The following GRM4 variants were observed in gnomAD, a reference collection of about 807,000 sequenced individuals.
GRM4 encodes the protein glutamate metabotropic receptor 4.
GRM4 carries 28 observed loss-of-function variants against 81.7 expected under a neutral mutation model. The observed-to-expected ratio is 0.34, with a 90% CI of 0.25 to 0.47. The LOEUF (loss-of-function observed/expected upper bound fraction) is 0.47, where lower values mean the gene tolerates loss of function less well. Among genes scored for constraint, GRM4 ranks in the 20% least tolerant of loss-of-function variants. The probability of loss-of-function intolerance (pLI) is 1.00; values close to 1 mark genes in which losing one functional copy is unlikely to be tolerated. For synonymous variants in GRM4, 488 were observed against 528.8 expected, an observed-to-expected ratio of 0.92 and a Z score of 1.06; for missense variants, 948 against 1,290.0, an observed-to-expected ratio of 0.73 and a Z score of 4.06.
At chr6:34,099,413 G>A (rs568160507) in intron 2 of GRM4, among the ~76,000 whole-genome samples, 1 of 152,298 alleles carries the variant, frequency 6.6e-6, no homozygotes, top group African/African-American at 2.4e-5. Flanking sequence ...AACCAAGACA[G>A]GGGCTTCGGG....
chr6:34,027,506 G>C lies in GRM4; in HGVS notation c.2689+614C>G, dbSNP rs191407457. Among the ~76,000 whole-genome samples, 20 of 152,282 alleles carry C rather than the reference G, an allele frequency of 1.3e-4. No homozygotes were observed. In the East Asian group the frequency reaches 3.7e-3, roughly 28 times the overall value. ...TGAGCGCCGCTAGGCAGTCCTGTAG[G>C]CCCCTCTGCCTCACCCTGCCCTCAC... is the stretch of plus-strand genomic sequence containing the variant. On this transcript the variant is annotated intron_variant, in intron 10 of 10. Coordinates refer to ENST00000538487, the MANE Select transcript of GRM4 (RefSeq NM_000841.4).
At chr6:34,085,859 G>A (rs1445010961) in intron 3 of GRM4, among the ~76,000 whole-genome samples, 1 of 152,166 alleles carries the variant, frequency 6.6e-6, no homozygotes, top group East Asian at 1.9e-4. Flanking sequence ...GCTGGTCAGA[G>A]GCCTCTCTGA....
In GRM4 at chr6:34,064,359, A is replaced by T. The variant is rs1766339672; in HGVS notation, c.737-2331T>A. Among the ~76,000 whole-genome samples, 1 of 152,240 alleles carries T rather than the reference A, an allele frequency of 6.6e-6. No individual in the cohort carries two copies. Among genetic ancestry groups the T allele is most frequent in the South Asian group, 2.1e-4 (1 of 4,832 alleles). Reference sequence around the variant, plus strand: ...AATTTATAAATGAAGAAATTGAGGCACAGAGAGGTTAAGTAGCTTCCCCAG... The same window carrying T: ...AATTTATAAATGAAGAAATTGAGGCTCAGAGAGGTTAAGTAGCTTCCCCAG... On this transcript the variant is annotated intron_variant, in intron 3 of 10. Transcript: ENST00000538487. The surrounding 1 kb of genome is among the most constrained non-coding windows in gnomAD (Gnocchi z 4.4).
intron 2 of GRM4, chr6:34,103,545 T>A: frequency 6.7e-7 from 1 of 1,484,244 alleles, no homozygotes; most frequent in Non-Finnish European, 9.1e-7. Flanking sequence ...TTGTCCTATT[T>A]CATAGGCGAA....
intron 3 of GRM4, among the ~76,000 whole-genome samples, chr6:34,076,274 C>G (rs1432087282): frequency 2.6e-5 from 4 of 152,200 alleles, no homozygotes; most frequent in Non-Finnish European, 4.4e-5. Flanking sequence ...CCCCTCCCAC[C>G]CACCCCACCG....
chr6:34,040,309 C>T lies in GRM4; in HGVS notation c.1375G>A (p.Ala459Thr), dbSNP rs773484823. 1.4e-5 allele frequency: 22 copies of T among 1,613,978 alleles called. No individual in the cohort carries two copies. In the Middle Eastern group the frequency reaches 5.0e-4, roughly 36 times the overall value. The change falls in exon 8 of 11, where the codon GCA (alanine) becomes ACA (threonine). Residue 459 changes from alanine (A) to threonine (T), a missense_variant. Coordinates refer to ENST00000538487, the MANE Select transcript of GRM4 (RefSeq NM_000841.4). ...YIRNVNFSGI[A>T]GNPVTFNENG... The stretch of plus-strand genomic sequence containing the variant: ...TCATTGAAGGTCACAGGGTTCCCTG[C>T]GATGCCTGTAAGGGTGGGCGGGTGT...
Position 34,089,401 on chromosome 6 carries a change from C to T in GRM4, c.736+2482G>A, listed in dbSNP as rs1768081791. On this transcript the variant is annotated intron_variant, in intron 3 of 10. Coordinates refer to ENST00000538487, the MANE Select transcript of GRM4 (RefSeq NM_000841.4). This position sits in a 1 kb window ranked among gnomAD's most constrained non-coding sequence, Gnocchi z 4.3. ...CTCTCTCTCTCTTCCTTTCTTTTCACCCACTAAAAGATGTTCCTCCAAATC... is the reference window on the plus strand; with the variant it reads ...CTCTCTCTCTCTTCCTTTCTTTTCATCCACTAAAAGATGTTCCTCCAAATC... 6.6e-6 allele frequency among the ~76,000 whole-genome samples: 1 copy of T among 152,124 alleles called. No homozygotes were observed. Among genetic ancestry groups the T allele is most frequent in the Non-Finnish European group, 1.5e-5 (1 of 68,030 alleles).
chr6:34,031,997 A>C (rs932804931), intron 9 of GRM4, among the ~76,000 whole-genome samples: 6 of 151,540 alleles, frequency 4.0e-5, no homozygotes, highest in African/African-American at 1.5e-4. Flanking sequence ...ACACACACAC[A>C]CACCTCTTCA....
chr6:34,083,564 A>G (rs1037783740), intron 3 of GRM4, among the ~76,000 whole-genome samples: 1 of 152,168 alleles, frequency 6.6e-6, no homozygotes, highest in Non-Finnish European at 1.5e-5. Context: ...AGCGGAAGGC[A>G]AGATGGGTCT....
Position 34,028,237 on chromosome 6 carries a change from G to A in GRM4, c.2572C>T (p.Arg858Cys), listed in dbSNP as rs145173138. 22 of 1,614,060 alleles carry A rather than the reference G, an allele frequency of 1.4e-5. No individual in the cohort carries two copies. The South Asian group carries it at 1.8e-4, about 13-fold the overall frequency. Residue 858 changes from arginine (R) to cysteine (C), a missense_variant, in exon 10 of 11, where the codon CGC becomes TGC. Arg to Cys is a radical substitution (Grantham distance 180). Transcript: ENST00000538487. ...GCCGTAACGACGGCTTTGAGGCTGC[G>A]CTTGCGCTTGGGCACGTTCTGCTCC... ...HPEQNVPKRK[R>C]SLKAVVTAAT...
At position 34,056,680 on chromosome 6, in the gene GRM4, G is replaced by A. The variant is rs752709195; in HGVS notation, c.1032C>T (p.Phe344=). The change falls in exon 6 of 11, where the codon TTC becomes TTT. Residue 344 remains phenylalanine (F), a synonymous_variant. Coordinates refer to ENST00000538487, the MANE Select transcript of GRM4 (RefSeq NM_000841.4). ...ILPKRMSVRG[F]DRYFSSRTLD... is the part of the protein sequence containing the mutation. ...GCGTGCGGCTGGAGAAGTAGCGGTC[G>A]AAGCCTGGCAGGGAACCAGGACGTC... The A allele has an allele frequency of 8.1e-6, 13 of 1,612,794 alleles. No individual in the cohort carries two copies. Among genetic ancestry groups the A allele is most frequent in the African/African-American group, 1.3e-5 (1 of 74,874 alleles).
intron 6 of GRM4, 114 bp downstream of exon 6, chr6:34,056,430 T>A (rs1765878640): frequency 2.1e-6 from 2 of 944,920 alleles, no homozygotes; most frequent in Non-Finnish European, 3.1e-6. Flanking sequence ...CTGCACGTCC[T>A]GCCACGGCCG....
intron 5 of GRM4, among the ~76,000 whole-genome samples, chr6:34,058,766 T>A (rs1253303564): frequency 6.6e-6 from 1 of 152,100 alleles, no homozygotes; most frequent in African/African-American, 2.4e-5. Context: ...GGAGGGAAGG[T>A]CTTGAATCTG....
Position 34,110,570 on chromosome 6 carries a change from A to G in GRM4, c.520-18471T>C, listed in dbSNP as rs992812864. On this transcript the variant is annotated intron_variant, in intron 2 of 10. Coordinates refer to ENST00000538487, the MANE Select transcript of GRM4 (RefSeq NM_000841.4). ...TCACACCATCCACATCTCTGATTGA[A>G]TGTCATCTTCTCAGAGAGGTTGTTG... The G allele has an allele frequency of 1.6e-5, 10 of 623,844 alleles. No individual in the cohort carries two copies. In the South Asian group the frequency reaches 1.9e-4, roughly 12 times the overall value. The allele number at this position is 623,844 out of a possible 1,614,324, so 38.6% of individuals were successfully genotyped here.
intron 10 of GRM4, among the ~76,000 whole-genome samples, chr6:34,025,091 C>T (rs1764065363): frequency 6.6e-6 from 1 of 152,168 alleles, no homozygotes; most frequent in Non-Finnish European, 1.5e-5. Context: ...CACACTCTCT[C>T]TGAGCCTCAG....
rs1353452594 is a variant in GRM4 at position 34,048,843 on chromosome 6, A to G, written c.1168+7701T>C. Among the ~76,000 whole-genome samples, 1 of 151,944 alleles carries G rather than the reference A, an allele frequency of 6.6e-6. No individual in the cohort carries two copies. ...GCTTGCTTCCTCTTCGCCTTCCACC[A>G]TGATTGTAAGTTTCCTGAGGCCTCC... is the stretch of plus-strand genomic sequence containing the variant. On this transcript the variant is annotated intron_variant, in intron 6 of 10. Transcript: ENST00000538487. This position sits in a 1 kb window ranked among gnomAD's most constrained non-coding sequence, Gnocchi z 4.0.
At chr6:34,072,949 ACACCACACACATGCAT>A (rs1485921670) in intron 3 of GRM4, among the ~76,000 whole-genome samples, 1 of 107,944 alleles carries the variant, frequency 9.3e-6, no homozygotes, top group Non-Finnish European at 1.9e-5. Context: ...ACACAGATAC[ACACCACACACATGCAT>A]CACCACACAG....
chr6:34,025,760 T>C (rs944021954), intron 10 of GRM4, among the ~76,000 whole-genome samples: 1 of 152,328 alleles, frequency 6.6e-6, no homozygotes, highest in Admixed American at 6.5e-5. Context: ...CATGTGGCCC[T>C]TCTAACAAAC....
exon 1 of GRM4, chr6:34,155,393 TC>T: frequency 6.7e-7 from 1 of 1,487,580 alleles, no homozygotes; most frequent in Non-Finnish European, 8.9e-7. Flanking sequence ...GCCGGCATCC[TC>T]CCACTCTCAG....
Sources: allele counts gnomAD v4.1 joint callset (sites outside exome capture counted in the v4.1 genomes callset), GRCh38; gene constraint gnomAD v4.1.1; non-coding constraint Gnocchi (gnomAD v3.1); transcripts MANE v1.5; gene names NCBI Gene and HGNC (gene_info 2026-07-23, HGNC 2026-07-21).